The following MEAF6 variants were observed in gnomAD, a reference collection of about 807,000 sequenced individuals.
MEAF6 encodes chromatin modification-related protein MEAF6.
MEAF6 carries 15 observed loss-of-function variants against 28.9 expected under a neutral mutation model. That is an observed-to-expected ratio of 0.52 (90% CI 0.35 to 0.80). The LOEUF is 0.80. MEAF6 is among the 30% of genes least tolerant of loss of function. MEAF6 has a pLI of 0.01. For synonymous variants in MEAF6, 97 were observed against 88.7 expected (o/e 1.09, Z -0.53); for missense variants, 178 against 237.5 (o/e 0.75, Z 1.65).
chr1:37,491,418 T>C lies in MEAF6; in HGVS notation c.*2681A>G, dbSNP rs1439643444. ...TACTGGGGAGGCTGAGGCAGGAGAA[T>C]TGCTTGATACCTATAATCCCAGCAC... On this transcript the variant is annotated 3_prime_UTR_variant, in exon 7 of 7. Coordinates refer to ENST00000296214, the MANE Select transcript of MEAF6 (RefSeq NM_001270875.3). Among the ~76,000 whole-genome samples, 1 of 152,024 alleles carries C rather than the reference T, an allele frequency of 6.6e-6. No homozygotes were observed. The highest frequency in any genetic ancestry group is 1.5e-5 in the Non-Finnish European group (1 of 68,012).
Position 37,491,658 on chromosome 1 carries a change from C to T in MEAF6, c.*2441G>A, listed in dbSNP as rs762659825. On this transcript the variant is annotated 3_prime_UTR_variant, in exon 7 of 7. Coordinates refer to ENST00000296214, the MANE Select transcript of MEAF6 (RefSeq NM_001270875.3). ...AGGCTGCACTGAGCTTTGATCAGGC[C>T]GCTGCACTCCAGCCTGGGTGACAGA... Among the ~76,000 whole-genome samples the T allele has an allele frequency of 4.6e-5, 7 of 151,398 alleles. No homozygotes were observed. The East Asian group carries it at 7.7e-4, about 17-fold the overall frequency.
intron 4 of MEAF6, among the ~76,000 whole-genome samples, chr1:37,504,848 T>G (rs1257889074): frequency 1.3e-5 from 2 of 150,734 alleles, no homozygotes; most frequent in Non-Finnish European, 3.0e-5. Context: ...CTAAAACTTG[T>G]CAAAAAAGGT....
chr1:37,507,962 A>G (rs1248094100), intron 4 of MEAF6, among the ~76,000 whole-genome samples: 2 of 152,312 alleles, frequency 1.3e-5, no homozygotes, highest in Non-Finnish European at 1.5e-5. Context: ...CCTTTTCCTC[A>G]TATCATTGTA....
chr1:37,507,017 C>T (rs1226547474), intron 4 of MEAF6, among the ~76,000 whole-genome samples: 1 of 152,166 alleles, frequency 6.6e-6, no homozygotes, highest in Non-Finnish European at 1.5e-5. Flanking sequence ...AGATTACAGG[C>T]TCATGTGAAA....
chr1:37,504,772 CAA>C (rs1207977254), intron 4 of MEAF6, among the ~76,000 whole-genome samples: 1 of 42,158 alleles, frequency 2.4e-5, no homozygotes, highest in Non-Finnish European at 4.8e-5. Flanking sequence ...GACTCCATCT[CAA>C]AAAAAAAAAA....
chr1:37,502,823 T>C (rs1402672045), intron 4 of MEAF6, among the ~76,000 whole-genome samples: 3 of 152,150 alleles, frequency 2.0e-5, no homozygotes, highest in African/African-American at 7.2e-5. Context: ...TTTTGCCATG[T>C]TGCCCAGGCT....
At chr1:37,509,622 C>T in intron 2 of MEAF6, 80 bp from the exon 3 acceptor site, 1 of 1,249,460 alleles carries the variant, frequency 8.0e-7, no homozygotes, top group Non-Finnish European at 1.1e-6. Context: ...ACTCATGTTC[C>T]ATGCAGGAAG....
rs547189720 is a variant in MEAF6, at chr1:37,496,413, T to C, written c.534-495A>G. 8.5e-4 allele frequency: 314 copies of C among 368,800 alleles called. 3 individuals carry two copies. Among genetic ancestry groups the C allele is most frequent in the Non-Finnish European group, 5.2e-4 (108 of 209,230 alleles). 22.8% of individuals were successfully genotyped at this position (368,800 alleles called of 1,614,324 possible). On this transcript the variant is annotated intron_variant, in intron 5 of 6. Transcript: ENST00000296214. ...AAAATATCAAGATCTTAAGCTATTA[T>C]TCTCCTTATGAAGCAAAGCCAGAAA...
chr1:37,502,147 G>T, intron 4 of MEAF6, 151 bp from the exon 5 acceptor site: 1 of 85,312 alleles, frequency 1.2e-5, no homozygotes, highest in Non-Finnish European at 2.7e-5. Context: ...GATACATGTT[G>T]ACAGAGAAGA....
At chr1:37,501,081 A>G (rs1042774254) in intron 5 of MEAF6, 1 of 153,922 alleles carries the variant, frequency 6.5e-6, no homozygotes, top group African/African-American at 2.4e-5. Flanking sequence ...TGAGTTAACA[A>G]TCCCCAGCAT....
rs34471655 is a variant in MEAF6, at chr1:37,507,320, C to CA, written c.340+1957dup. 4.9e-4 allele frequency among the ~76,000 whole-genome samples: 68 copies of CA among 137,748 alleles called. 1 individual carries two copies. Among genetic ancestry groups the CA allele is most frequent in the South Asian group, 1.6e-3 (7 of 4,298 alleles). 90.4% of individuals were successfully genotyped at this position (137,748 alleles called of 152,430 possible). On this transcript the variant is annotated intron_variant, in intron 4 of 6. Transcript: ENST00000296214. ...GGGTAACAAAAGCAAAACTCTGCCTCAAAAAAAAAAAAAAGAAAGAAAACT... is the reference window on the plus strand; with the variant it reads ...GGGTAACAAAAGCAAAACTCTGCCTCAAAAAAAAAAAAAAAGAAAGAAAACT...
In MEAF6 at chr1:37,493,937, T is replaced by C. The variant is rs980641973; in HGVS notation, c.*162A>G. On this transcript the variant is annotated 3_prime_UTR_variant, in exon 7 of 7. Coordinates refer to ENST00000296214, the MANE Select transcript of MEAF6 (RefSeq NM_001270875.3). ...CCCAATGTCTTACAGAAATGACTTG[T>C]TTGTCACCACATTTAGAACAAACTA... is the stretch of plus-strand genomic sequence containing the variant. 27 of 1,576,786 alleles carry C rather than the reference T, an allele frequency of 1.7e-5. 1 individual carries two copies. In the Admixed American group the frequency reaches 5.3e-4, roughly 31 times the overall value.
intron 4 of MEAF6, among the ~76,000 whole-genome samples, chr1:37,505,410 G>A (rs1424976299): frequency 2.6e-5 from 4 of 152,278 alleles, no homozygotes; most frequent in Middle Eastern, 6.8e-3. Flanking sequence ...CCCATGGGCC[G>A]CAAGCAGCCC....
Position 37,501,832 on chromosome 1 carries a change from T to G in MEAF6, c.505A>C (p.Lys169Gln). ...TSSGSHHSSH[K>Q]KRKNKNRHRI... ...TGCCGGTTTTTATTCTTTCGCTTTT[T>G]ATGGCTGCTGTGGTGACTCCCTGAG... Residue 169 changes from lysine (K) to glutamine (Q), a missense_variant, in exon 5 of 7, where the codon AAA becomes CAA. Lys to Gln is a moderately conservative substitution (Grantham distance 53). This residue lies in a region of MEAF6 where 124 missense variants were observed against 200.5 expected (regional missense o/e 0.62). Coordinates refer to ENST00000296214, the MANE Select transcript of MEAF6 (RefSeq NM_001270875.3). The G allele has an allele frequency of 6.3e-7, 1 of 1,594,006 alleles. No homozygotes were observed. The highest frequency in any genetic ancestry group is 2.2e-5 in the East Asian group (1 of 44,528).
chr1:37,495,712 A>AAAAAAAAAAAAAAAAAAC (rs1642108126), intron 6 of MEAF6, among the ~76,000 whole-genome samples, 173 bp downstream of exon 6: 1 of 134,052 alleles, frequency 7.5e-6, no homozygotes, highest in Non-Finnish European at 1.7e-5. Flanking sequence ...AACAAAAAAA[A>AAAAAAAAAAAAAAAAAAC]AAAAAAACAA....
At chr1:37,501,725 C>A in intron 5 of MEAF6, 79 bp downstream of exon 5, 3 of 1,327,778 alleles carry the variant, frequency 2.3e-6, no homozygotes, top group Non-Finnish European at 3.0e-6. Flanking sequence ...TGCAGCAATC[C>A]TAAAGAGTTT....
chr1:37,507,426 T>G, intron 4 of MEAF6, among the ~76,000 whole-genome samples: 1 of 144,568 alleles, frequency 6.9e-6, no homozygotes, highest in Non-Finnish European at 1.5e-5. Context: ...CATTCTAGAG[T>G]GGCATTAATT....
intron 1 of MEAF6, 25 bp from the exon 2 acceptor site, chr1:37,513,563 G>C (rs1356989518): frequency 6.6e-7 from 1 of 1,525,712 alleles, no homozygotes; most frequent in Non-Finnish European, 9.1e-7. Flanking sequence ...ACAAGGACAT[G>C]AATGATACCT....
chr1:37,496,783 C>T (rs2148063334), intron 5 of MEAF6: 2 of 1,561,476 alleles, frequency 1.3e-6, no homozygotes, highest in East Asian at 2.3e-5. Flanking sequence ...AATTAATATA[C>T]TAATTGAATA....
Sources: gnomAD v4.1 joint callset for allele counts (sites outside exome capture counted in the v4.1 genomes callset) on GRCh38, gnomAD v4.1.1 for gene constraint, gnomAD v4.1.1 regional missense constraint, MANE v1.5 for transcripts, NCBI Gene and HGNC (gene_info 2026-07-23, HGNC 2026-07-21) for gene names.